The following EXOC4 variants were observed in gnomAD, a reference collection of about 807,000 sequenced individuals.
EXOC4 encodes the protein exocyst complex component 4, also known as SEC8-like 1.
In EXOC4, 71 loss-of-function variants were observed where a neutral mutation model predicts 107.2. That is an observed-to-expected ratio of 0.66 (90% CI 0.55 to 0.81). The LOEUF (loss-of-function observed/expected upper bound fraction) is 0.81, where lower values mean the gene tolerates loss of function less well. EXOC4 is among the 30% of genes least tolerant of loss of function. The pLI is 0.00. For synonymous variants in EXOC4, 456 were observed against 441.2 expected, an observed-to-expected ratio of 1.03 and a Z score of -0.42; for missense variants, 1,108 against 1,189.6, an observed-to-expected ratio of 0.93 and a Z score of 1.01.
chr7:133,776,303 A>G (rs955784008), intron 10 of EXOC4, among the ~76,000 whole-genome samples: 1 of 152,136 alleles, frequency 6.6e-6, no homozygotes, highest in Non-Finnish European at 1.5e-5. Flanking sequence ...TCCTCCTTAA[A>G]GTCTACTCTC....
intron 7 of EXOC4, among the ~76,000 whole-genome samples, chr7:133,404,882 C>G (rs1425520935): frequency 2.8e-5 from 1 of 35,122 alleles, no homozygotes; most frequent in Non-Finnish European, 5.0e-5. Context: ...CCCCCCCCCC[C>G]AATACACACA....
chr7:133,829,333 A>G (rs1797763193), intron 11 of EXOC4, among the ~76,000 whole-genome samples: 1 of 152,180 alleles, frequency 6.6e-6, no homozygotes, highest in Non-Finnish European at 1.5e-5. Flanking sequence ...GCATGTTCAA[A>G]TGGATGCACT....
intron 10 of EXOC4, among the ~76,000 whole-genome samples, chr7:133,716,832 C>T (rs531649086): frequency 1.3e-5 from 2 of 152,096 alleles, no homozygotes; most frequent in East Asian, 1.9e-4. Context: ...CCAAGCTACT[C>T]GGGAGTCTGA....
At chr7:133,922,989 T>G (rs1463260513) in intron 13 of EXOC4, among the ~76,000 whole-genome samples, 3 of 26,578 alleles carry the variant, frequency 1.1e-4, no homozygotes, top group African/African-American at 2.0e-3. Context: ...TATCCTGGGT[T>G]TTTTTTTTTG....
chr7:133,259,770 A>ATG (rs1276431636), intron 1 of EXOC4, among the ~76,000 whole-genome samples: 1 of 152,160 alleles, frequency 6.6e-6, no homozygotes, highest in African/African-American at 2.4e-5. Context: ...ATGTGAATGT[A>ATG]TGTGTGTATA....
intron 3 of EXOC4, among the ~76,000 whole-genome samples, chr7:133,293,890 T>C (rs747426235): frequency 2.6e-5 from 4 of 152,232 alleles, no homozygotes; most frequent in Non-Finnish European, 5.9e-5. Flanking sequence ...TTGTGATATG[T>C]ACGGTTTAAA....
chr7:133,831,961 A>G lies in EXOC4; in HGVS notation c.1734+14417A>G, dbSNP rs564227916. On this transcript the variant is annotated intron_variant, in intron 11 of 17. Coordinates refer to ENST00000253861, the MANE Select transcript of EXOC4 (RefSeq NM_021807.4). ...GTTAGGTGTGACCTACCTTTCCCTC[A>G]GTGAGAAACCTGGCTCCCACCATCT... Among the ~76,000 whole-genome samples the G allele has an allele frequency of 6.6e-5, 10 of 152,256 alleles. No homozygotes were observed. In the South Asian group the frequency reaches 2.1e-3, roughly 32 times the overall value.
At chr7:133,909,834 T>C (rs1038812372) in intron 12 of EXOC4, among the ~76,000 whole-genome samples, 3 of 151,906 alleles carry the variant, frequency 2.0e-5, no homozygotes, top group African/African-American at 7.3e-5. Context: ...GATCTACTTA[T>C]AAAGATCTTA....
chr7:133,580,335 T>C (rs1319470748), intron 9 of EXOC4, among the ~76,000 whole-genome samples: 1 of 152,220 alleles, frequency 6.6e-6, no homozygotes, highest in Non-Finnish European at 1.5e-5. Context: ...GAGACCCTGC[T>C]TTTAATTCTT....
intron 1 of EXOC4, among the ~76,000 whole-genome samples, chr7:133,264,740 A>G (rs967726349): frequency 1.3e-5 from 2 of 152,188 alleles, no homozygotes; most frequent in East Asian, 1.9e-4. Context: ...GGAAGCATTT[A>G]TAGACTATTT....
chr7:133,989,219 A>G (rs555772771), intron 14 of EXOC4, among the ~76,000 whole-genome samples: 5 of 152,236 alleles, frequency 3.3e-5, no homozygotes, highest in Non-Finnish European at 7.3e-5. Flanking sequence ...AGATTGATGT[A>G]TCACCTATAA....
chr7:133,437,952 A>G, intron 7 of EXOC4, among the ~76,000 whole-genome samples: 1 of 152,044 alleles, frequency 6.6e-6, no homozygotes, highest in East Asian at 1.9e-4. Flanking sequence ...TTCTTTTCCT[A>G]GTCTTTGTCC....
chr7:133,788,228 A>G (rs2551022), intron 10 of EXOC4, among the ~76,000 whole-genome samples: 148,394 of 150,390 alleles, frequency 0.99, 73,255 homozygotes, highest in Middle Eastern at 1. Flanking sequence ...CTAGTCTTAC[A>G]GCTTTAAATA....
intron 10 of EXOC4, among the ~76,000 whole-genome samples, chr7:133,643,054 A>C (rs578153815): frequency 6.6e-6 from 1 of 152,262 alleles, no homozygotes; most frequent in African/African-American, 2.4e-5. Flanking sequence ...TGATTTTGCC[A>C]TATTTTTATT....
At chr7:133,418,540 G>T (rs1797530353) in intron 7 of EXOC4, among the ~76,000 whole-genome samples, 2 of 152,140 alleles carry the variant, frequency 1.3e-5, no homozygotes, top group South Asian at 4.1e-4. Context: ...GAAAAAAATG[G>T]GTCAGTGCAT....
intron 9 of EXOC4, among the ~76,000 whole-genome samples, chr7:133,491,895 C>T (rs1213270549): frequency 3.3e-5 from 5 of 152,134 alleles, no homozygotes; most frequent in African/African-American, 4.8e-5. Flanking sequence ...TGTGGATGAA[C>T]ACACAGATGT....
chr7:133,695,375 G>C (rs1013568981), intron 10 of EXOC4, among the ~76,000 whole-genome samples: 1 of 152,018 alleles, frequency 6.6e-6, no homozygotes, highest in Non-Finnish European at 1.5e-5. Context: ...TTTATCTGTT[G>C]ACAGACTCTT....
intron 11 of EXOC4, among the ~76,000 whole-genome samples, chr7:133,820,974 A>G (rs1261928718): frequency 6.6e-6 from 1 of 152,182 alleles, no homozygotes; most frequent in Non-Finnish European, 1.5e-5. Flanking sequence ...CACAGGTTCC[A>G]TAGGAGGGAA....
chr7:133,728,639 C>T (rs1795264582), intron 10 of EXOC4, among the ~76,000 whole-genome samples: 1 of 152,174 alleles, frequency 6.6e-6, no homozygotes. Flanking sequence ...GCCACTATAA[C>T]ATGATGTAAA....
Sources: gnomAD v4.1 joint callset for allele counts (sites outside exome capture counted in the v4.1 genomes callset) on GRCh38, gnomAD v4.1.1 for gene constraint, MANE v1.5 for transcripts, NCBI Gene and HGNC (gene_info 2026-07-23, HGNC 2026-07-21) for gene names.